Variants in TBCEL observed in about 807,000 individuals in gnomAD.
TBCEL encodes the protein tubulin-specific chaperone cofactor E-like protein.
A neutral mutation model predicts 44.2 loss-of-function variants in TBCEL; 15 were observed. The ratio of observed to expected loss-of-function variants is 0.34; its 90% CI spans 0.23 to 0.52. TBCEL has a LOEUF of 0.52. TBCEL is among the 20% of genes least tolerant of loss of function. The pLI, the probability that TBCEL is intolerant of heterozygous loss-of-function variation, is 0.95. For synonymous variants in TBCEL, 171 were observed against 185.4 expected, an observed-to-expected ratio of 0.92 and a Z score of 0.63; for missense variants, 319 against 506.3, an observed-to-expected ratio of 0.63 and a Z score of 3.55.
At chr11:121,059,489 A>G (rs571304977) in intron 7 of TBCEL, among the ~76,000 whole-genome samples, 1 of 152,078 alleles carries the variant, frequency 6.6e-6, no homozygotes, top group East Asian at 1.9e-4. Flanking sequence ...TAAGGGTAAA[A>G]TAAATACTGG....
At chr11:121,055,933 A>T (rs1025415748) in intron 6 of TBCEL, among the ~76,000 whole-genome samples, 1 of 151,688 alleles carries the variant, frequency 6.6e-6, no homozygotes, top group Non-Finnish European at 1.5e-5. Context: ...GTACATAGCA[A>T]ATGGTACAAA....
Position 121,055,111 on chromosome 11 carries a change from G to T in TBCEL, c.515G>T (p.Cys172Phe), listed in dbSNP as rs998728322. 6.2e-7 allele frequency: 1 copy of T among 1,602,598 alleles called. No individual in the cohort carries two copies. The highest frequency in any genetic ancestry group is 8.5e-7 in the Non-Finnish European group (1 of 1,173,346). ...GAAACAGTGTCTTGTCCTTCTATTT[G>T]CTGTCATTCTCTTAAGCTACTACAT... Reference protein sequence around the residue: ...DYETVSCPSICCHSLKLLHIT... With the variant: ...DYETVSCPSIFCHSLKLLHIT... Residue 172 changes from cysteine to phenylalanine, a missense_variant, in exon 6 of 9, where the codon TGC (cysteine) becomes TTC (phenylalanine). Coordinates refer to ENST00000683345, the MANE Select transcript of TBCEL (RefSeq NM_001363644.2).
At chr11:121,047,418 T>C in intron 3 of TBCEL, 110 bp from the exon 4 acceptor site, 2 of 1,300,478 alleles carry the variant, frequency 1.5e-6, no homozygotes, top group South Asian at 1.4e-5. Context: ...TAGATCCTTA[T>C]GTAATTTCAC....
intron 8 of TBCEL, among the ~76,000 whole-genome samples, chr11:121,064,983 G>A (rs753414161): frequency 2.0e-5 from 3 of 151,960 alleles, no homozygotes; most frequent in East Asian, 3.9e-4. Flanking sequence ...CCGCCACCAC[G>A]CCCAGCTAAT....
At chr11:121,060,294 C>T (rs1945697818) in intron 8 of TBCEL, among the ~76,000 whole-genome samples, 1 of 151,920 alleles carries the variant, frequency 6.6e-6, no homozygotes, top group Non-Finnish European at 1.5e-5. Flanking sequence ...TGTATTAACA[C>T]ATGTATTAAG....
At chr11:121,056,131 C>T (rs187883221) in intron 6 of TBCEL, among the ~76,000 whole-genome samples, 13 of 151,882 alleles carry the variant, frequency 8.6e-5, no homozygotes, top group East Asian at 5.8e-4. Context: ...ATCCTCTGTG[C>T]GCCACCTATT....
At chr11:121,076,147 AT>A (rs1946029177) in intron 8 of TBCEL, among the ~76,000 whole-genome samples, 1 of 151,934 alleles carries the variant, frequency 6.6e-6, no homozygotes, top group African/African-American at 2.4e-5. Flanking sequence ...CTTTTTCAGC[AT>A]GATTTAAGCT....
chr11:121,053,554 A>T lies in TBCEL; in HGVS notation c.277A>T (p.Ser93Cys). Reference protein sequence around the residue: ...DNKLEDWHEVSKIVSNVPQLE... With the variant: ...DNKLEDWHEVCKIVSNVPQLE... ...GCTTTTCTTTTTTTCTCCTTAGGTCAGTAAAATTGTGTCAAATGTTCCTCA... is the reference window on the plus strand; with the variant it reads ...GCTTTTCTTTTTTTCTCCTTAGGTCTGTAAAATTGTGTCAAATGTTCCTCA... Residue 93 changes from serine to cysteine, a missense_variant, in exon 5 of 9, where the codon AGT (serine) becomes TGT (cysteine). By Grantham distance (112) the Ser-to-Cys change is moderately radical (BLOSUM62 -1). Transcript: ENST00000683345. 1.9e-6 allele frequency: 3 copies of T among 1,611,826 alleles called. No homozygotes were observed. The highest frequency in any genetic ancestry group is 2.5e-6 in the Non-Finnish European group (3 of 1,178,576).
intron 3 of TBCEL, 99 bp from the exon 4 acceptor site, chr11:121,047,429 A>G (rs1945449567): frequency 7.1e-6 from 10 of 1,398,774 alleles, no homozygotes; most frequent in Non-Finnish European, 8.9e-6. Context: ...GTAATTTCAC[A>G]CAGTTTGATT....
At chr11:121,035,109 A>G (rs909141144) in intron 1 of TBCEL, 3 of 152,210 alleles carry the variant, frequency 2.0e-5, no homozygotes, top group Non-Finnish European at 2.9e-5. Flanking sequence ...TGCCATGTTC[A>G]CTAAGTGATG....
chr11:121,047,221 A>T (rs1397279473), intron 3 of TBCEL, among the ~76,000 whole-genome samples: 1 of 152,046 alleles, frequency 6.6e-6, no homozygotes, highest in Admixed American at 6.6e-5. Flanking sequence ...TGTTCAGATG[A>T]TAAGATGATA....
At chr11:121,082,022 G>A (rs1946135042) in intron 8 of TBCEL, among the ~76,000 whole-genome samples, 1 of 152,198 alleles carries the variant, frequency 6.6e-6, no homozygotes, top group South Asian at 2.1e-4. Flanking sequence ...TGCAGAAAAT[G>A]GTAATGGTGA....
At chr11:121,049,579 T>C (rs1360793477) in intron 4 of TBCEL, among the ~76,000 whole-genome samples, 3 of 151,880 alleles carry the variant, frequency 2.0e-5, no homozygotes, top group Non-Finnish European at 4.4e-5. Context: ...TTTACTTATC[T>C]GAACAACTTG....
chr11:121,068,828 G>A (rs12794296), intron 8 of TBCEL, among the ~76,000 whole-genome samples: 5 of 151,164 alleles, frequency 3.3e-5, no homozygotes, highest in Admixed American at 6.6e-5. Context: ...CGGAGGTTGC[G>A]GTGAGCTGAG....
At chr11:121,065,772 C>T (rs1050645297) in intron 8 of TBCEL, among the ~76,000 whole-genome samples, 2 of 152,218 alleles carry the variant, frequency 1.3e-5, no homozygotes, top group African/African-American at 4.8e-5. Context: ...CTCAACAGCA[C>T]TCTCTAAATC....
At chr11:121,058,763 A>G (rs1334268409) in intron 7 of TBCEL, among the ~76,000 whole-genome samples, 2 of 151,918 alleles carry the variant, frequency 1.3e-5, no homozygotes, top group African/African-American at 2.4e-5. Flanking sequence ...TTGGGTCACA[A>G]AGTAAAAGTA....
chr11:121,047,134 G>C (rs1464446299), intron 3 of TBCEL, among the ~76,000 whole-genome samples: 1 of 151,978 alleles, frequency 6.6e-6, no homozygotes, highest in Admixed American at 6.6e-5. Flanking sequence ...GAATACTTTG[G>C]AACTAAATTT....
intron 8 of TBCEL, among the ~76,000 whole-genome samples, chr11:121,067,229 A>G (rs1945837624): frequency 6.6e-6 from 1 of 152,326 alleles, no homozygotes; most frequent in South Asian, 2.1e-4. Flanking sequence ...TTTCTATGTG[A>G]TTAGTCATTT....
At chr11:121,075,591 T>C (rs1946018686) in intron 8 of TBCEL, among the ~76,000 whole-genome samples, 1 of 151,994 alleles carries the variant, frequency 6.6e-6, no homozygotes, top group Non-Finnish European at 1.5e-5. Context: ...ATTTTTAGTA[T>C]GTGAGATCTT....
Sources: gnomAD v4.1 joint callset for allele counts (sites outside exome capture counted in the v4.1 genomes callset) on GRCh38, gnomAD v4.1.1 for gene constraint, MANE v1.5 for transcripts, NCBI Gene and HGNC (gene_info 2026-07-23, HGNC 2026-07-21) for gene names.